The following ZNF888 variants were observed in gnomAD, a reference collection of about 807,000 sequenced individuals.
ZNF888 encodes CTD-2331H12.6.
A neutral mutation model predicts 7.2 loss-of-function variants in ZNF888; 5 were observed. The observed-to-expected ratio is 0.70, with a 90% CI of 0.36 to 1.46. The LOEUF (loss-of-function observed/expected upper bound fraction) is 1.46, where lower values mean the gene tolerates loss of function less well. ZNF888 is among the 40% of genes most tolerant of loss of function. ZNF888 has a pLI of 0.03. For synonymous variants in ZNF888, 240 were observed against 284.3 expected (o/e 0.84, Z 1.57); for missense variants, 716 against 858.0 (o/e 0.83, Z 2.07).
intron 1 of ZNF888, among the ~76,000 whole-genome samples, chr19:52,920,938 TAAAAAAAAA>T (rs145361548): frequency 0.05 from 327 of 6,534 alleles, 77 homozygotes; most frequent in African/African-American, 0.12. Context: ...CTTCAAATAT[TAAAAAAAAA>T]AAAAAAAAAA....
Position 52,906,355 on chromosome 19 carries a change from T to C in ZNF888, c.1967A>G (p.His656Arg). 6.2e-7 allele frequency: 1 copy of C among 1,613,704 alleles called. No homozygotes were observed. Among genetic ancestry groups the C allele is most frequent in the Non-Finnish European group, 8.5e-7 (1 of 1,179,800 alleles). The change falls in exon 5 of 5, where the codon CAC becomes CGC. Residue 656 changes from histidine to arginine, a missense_variant. His to Arg is a conservative substitution (Grantham distance 29, BLOSUM62 0). Around this residue, in one of 2 missense-constraint regions of ZNF888, gnomAD observed 697 missense variants for 803.4 expected, o/e 0.87. Coordinates refer to ENST00000638862, the MANE Select transcript of ZNF888 (RefSeq NM_001393938.1). ...DSYLAQHQRV[H>R]TGEKPYKCKV... ...ACATTTGTATGGTTTCTCTCCAGTGTGAACTCTCTGATGTTGTGCAAGGTA... is the reference window on the plus strand; with the variant it reads ...ACATTTGTATGGTTTCTCTCCAGTGCGAACTCTCTGATGTTGTGCAAGGTA...
chr19:52,906,114 A>G lies in ZNF888; in HGVS notation c.*51T>C, dbSNP rs948580789. 4 of 1,611,770 alleles carry G rather than the reference A, an allele frequency of 2.5e-6. No individual in the cohort carries two copies. Among genetic ancestry groups the G allele is most frequent in the Non-Finnish European group, 3.4e-6 (4 of 1,178,358 alleles). ...ATCTCTATTCATTATGGATTCTTCA[A>G]TGATTTGCAATGGTTGTAGCGTTAC... On this transcript the variant is annotated 3_prime_UTR_variant, in exon 5 of 5. Coordinates refer to ENST00000638862, the MANE Select transcript of ZNF888 (RefSeq NM_001393938.1).
intron 4 of ZNF888, among the ~76,000 whole-genome samples, chr19:52,911,647 GC>G (rs969934332): frequency 4.0e-5 from 6 of 151,510 alleles, no homozygotes; most frequent in African/African-American, 1.5e-4. Context: ...ATCAGTCTAA[GC>G]TATTTCTAAC....
chr19:52,916,731 T>A (rs567211946), intron 3 of ZNF888, among the ~76,000 whole-genome samples: 9 of 151,556 alleles, frequency 5.9e-5, no homozygotes, highest in African/African-American at 2.2e-4. Flanking sequence ...AACTGGGGGC[T>A]GGGGGGAATC....
At chr19:52,913,793 C>G in intron 4 of ZNF888, 1 of 946,184 alleles carries the variant, frequency 1.1e-6, no homozygotes, top group Non-Finnish European at 1.3e-6. Flanking sequence ...ATGCTTAAAC[C>G]ACTTATATGT....
At chr19:52,915,818 C>G (rs1057248453) in intron 3 of ZNF888, among the ~76,000 whole-genome samples, 1 of 26,232 alleles carries the variant, frequency 3.8e-5, no homozygotes, top group African/African-American at 2.0e-4. Context: ...GTCAAGACAC[C>G]CTGTCAGTAT....
intron 3 of ZNF888, among the ~76,000 whole-genome samples, chr19:52,917,613 CTCCA>C (rs761746809): frequency 9.2e-5 from 14 of 152,258 alleles, no homozygotes; most frequent in Admixed American, 7.2e-4. Context: ...CTCACCCCGT[CTCCA>C]TCCATGTCTG....
chr19:52,907,201 C>G lies in ZNF888; in HGVS notation c.1121G>C (p.Arg374Thr). 6.2e-7 allele frequency: 1 copy of G among 1,613,144 alleles called. No homozygotes were observed. The highest frequency in any genetic ancestry group is 8.5e-7 in the Non-Finnish European group (1 of 1,179,740). Residue 374 changes from arginine (R) to threonine (T), a missense_variant, in exon 5 of 5, where the codon AGA (arginine) becomes ACA (threonine). Transcript: ENST00000638862. ...SRKSYLERHR[R>T]IHTGEKPYKC... ...GTATGGTTTCTCACCAGTGTGAATT[C>G]TCCTATGTCTTTCAAGGTATGATTT...
chr19:52,923,354 C>G lies in ZNF888; in HGVS notation c.-178+15G>C, dbSNP rs2064843968. ...CTGGAGGCACAGCCTCAATACAACA[C>G]AGAGCAAAACTCACCGCCGCAGTGT... On this transcript the variant is annotated intron_variant, in intron 1 of 4. Coordinates refer to ENST00000638862, the MANE Select transcript of ZNF888 (RefSeq NM_001393938.1). 1.0e-6 allele frequency: 1 copy of G among 985,892 alleles called. No individual in the cohort carries two copies. Among genetic ancestry groups the G allele is most frequent in the African/African-American group, 1.7e-5 (1 of 57,246 alleles). The allele number at this position is 985,892 out of a possible 1,614,324, so 61.1% of individuals were successfully genotyped here.
intron 1 of ZNF888, among the ~76,000 whole-genome samples, chr19:52,922,928 C>G (rs1023537691): frequency 6.6e-6 from 1 of 151,880 alleles, no homozygotes; most frequent in Non-Finnish European, 1.5e-5. Context: ...GGGGAGATGA[C>G]GCCTTCGGAC....
intron 4 of ZNF888, among the ~76,000 whole-genome samples, chr19:52,910,149 CAAAA>C (rs71335690): frequency 4.8e-4 from 40 of 83,930 alleles, no homozygotes; most frequent in Non-Finnish European, 9.1e-4. Flanking sequence ...GACTTCGTCT[CAAAA>C]AAAAAAAAAA....
chr19:52,907,851 C>G lies in ZNF888; in HGVS notation c.471G>C (p.Gly157=). The part of the protein sequence containing the change: ...LPELHIFQPE[G]KIGNQLEKSI... The stretch of plus-strand genomic sequence containing the variant: ...ACTTCTCAAGTTGATTACCAATTTT[C>G]CCTTCGGGCTGAAATATGTGCAGTT... Residue 157 remains glycine (G), a synonymous_variant, in exon 5 of 5, where the codon GGG becomes GGC. Transcript: ENST00000638862. 1 of 1,614,110 alleles carries G rather than the reference C, an allele frequency of 6.2e-7. No homozygotes were observed. Among genetic ancestry groups the G allele is most frequent in the Admixed American group, 1.7e-5 (1 of 60,016 alleles).
rs549394884 is a variant in ZNF888 at position 52,907,751 on chromosome 19, A to T, written c.571T>A (p.Tyr191Asn). Residue 191 changes from tyrosine (Y) to asparagine (N), a missense_variant, in exon 5 of 5, where the codon TAT becomes AAT. Around this residue, in one of 2 missense-constraint regions of ZNF888, gnomAD observed 697 missense variants for 803.4 expected, o/e 0.87. Transcript: ENST00000638862. Reference sequence around the variant, plus strand: ...GAAGAATGGAAGAAATTATTCCCATAGTTATTAGAAATATGGGTTTTGGGC... The same window carrying T: ...GAAGAATGGAAGAAATTATTCCCATTGTTATTAGAAATATGGGTTTTGGGC... Reference protein sequence around the residue: ...CRPKTHISNNYGNNFFHSSLL... With the variant: ...CRPKTHISNNNGNNFFHSSLL... 185 of 1,613,976 alleles carry T rather than the reference A, an allele frequency of 1.1e-4. 2 individuals carry two copies. In the South Asian group the frequency reaches 1.9e-3, roughly 16 times the overall value.
Position 52,906,881 on chromosome 19 carries a change from G to C in ZNF888, c.1441C>G (p.Leu481Val). Reference sequence around the variant, plus strand: ...GTGTGAATTCTCCTATGTCTTTCAAGGTGTGATTTGCGACTGAAAACTTTG... The same window carrying C: ...GTGTGAATTCTCCTATGTCTTTCAACGTGTGATTTGCGACTGAAAACTTTG... ...CDKVFSRKSH[L>V]ERHRRIHTGE... is the part of the protein sequence containing the mutation. Residue 481 changes from leucine to valine, a missense_variant, in exon 5 of 5, where the codon CTT becomes GTT. Leu to Val is a conservative substitution (Grantham distance 32). Around this residue, in one of 2 missense-constraint regions of ZNF888, gnomAD observed 697 missense variants for 803.4 expected, o/e 0.87. Transcript: ENST00000638862. 1.2e-6 allele frequency: 2 copies of C among 1,612,288 alleles called. No individual in the cohort carries two copies. Among genetic ancestry groups the C allele is most frequent in the Admixed American group, 3.3e-5 (2 of 59,804 alleles).
At chr19:52,915,561 A>G (rs940506493) in intron 3 of ZNF888, among the ~76,000 whole-genome samples, 9 of 144,946 alleles carry the variant, frequency 6.2e-5, no homozygotes, top group Non-Finnish European at 1.1e-4. Context: ...TGCAAGCTCT[A>G]CCTCACAGGT....
At position 52,904,618 on chromosome 19, in the gene ZNF888, A is replaced by G. The variant is rs2064586798; in HGVS notation, c.*1547T>C. 1 of 152,224 alleles carries G rather than the reference A, an allele frequency of 6.6e-6. No individual in the cohort carries two copies. Among genetic ancestry groups the G allele is most frequent in the Non-Finnish European group, 1.5e-5 (1 of 68,038 alleles). 9.4% of individuals were successfully genotyped at this position (152,224 alleles called of 1,614,324 possible). A position where few individuals can be genotyped will look rare whatever the true frequency, so the allele number is the denominator to read the frequency against. ...CGGTGTTCAGAGTGGAAAAGAACAGAGCAGGGAGTTTCACAATGTTCTTCT... is the reference window on the plus strand; with the variant it reads ...CGGTGTTCAGAGTGGAAAAGAACAGGGCAGGGAGTTTCACAATGTTCTTCT... On this transcript the variant is annotated 3_prime_UTR_variant, in exon 5 of 5. Transcript: ENST00000638862.
At chr19:52,918,059 CCCACCATA>C in intron 2 of ZNF888, 128 bp from the exon 3 acceptor site, 1 of 1,449,326 alleles carries the variant, frequency 6.9e-7, no homozygotes. Context: ...CACTCTGCTG[CCCACCATA>C]CCAGGGACAA....
chr19:52,913,208 GA>G (rs1213087718), intron 4 of ZNF888, among the ~76,000 whole-genome samples: 2 of 150,036 alleles, frequency 1.3e-5, no homozygotes, highest in East Asian at 3.9e-4. Flanking sequence ...TAAAAGTCAT[GA>G]AAAAACACTG....
intron 3 of ZNF888, among the ~76,000 whole-genome samples, chr19:52,916,615 C>CATATATAT (rs67843514): frequency 2.5e-4 from 33 of 131,432 alleles, no homozygotes; most frequent in African/African-American, 8.9e-4. Flanking sequence ...TATACATATA[C>CATATATAT]ATATATATAT....
Sources: allele counts gnomAD v4.1 joint callset (sites outside exome capture counted in the v4.1 genomes callset), GRCh38; gene constraint gnomAD v4.1.1; regional missense constraint gnomAD v4.1.1; transcripts MANE v1.5; gene names NCBI Gene and HGNC (gene_info 2026-07-23, HGNC 2026-07-21).